Variants in PALM2AKAP2 observed in about 807,000 individuals in gnomAD.
PALM2AKAP2 encodes the protein PALM2 and AKAP2 fusion.
A neutral mutation model predicts 71.5 loss-of-function variants in PALM2AKAP2; 37 were observed. That is an observed-to-expected ratio of 0.52 (90% CI 0.40 to 0.68). The LOEUF (loss-of-function observed/expected upper bound fraction) is 0.68. Ranked by LOEUF, PALM2AKAP2 falls within the 30% of genes least tolerant of loss-of-function variation. The pLI is 0.00. For synonymous variants in PALM2AKAP2, 468 were observed against 478.8 expected (o/e 0.98, Z 0.29); for missense variants, 1,224 against 1,191.8 (o/e 1.03, Z -0.40).
chr9:109,651,171 A>G (rs1026283107), intron 1 of PALM2AKAP2, among the ~76,000 whole-genome samples: 5 of 152,112 alleles, frequency 3.3e-5, no homozygotes, highest in Admixed American at 2.0e-4. Context: ...AGTTGGCTCA[A>G]TGGAAGGCAC....
At chr9:109,922,233 A>G (rs556238121) in intron 3 of PALM2AKAP2, among the ~76,000 whole-genome samples, 194 of 151,864 alleles carry the variant, frequency 1.3e-3, no homozygotes, top group Non-Finnish European at 2.2e-3. Context: ...CCACGCAGGC[A>G]ACATAGTAAG....
intron 2 of PALM2AKAP2, among the ~76,000 whole-genome samples, chr9:109,876,620 C>G (rs559427421): frequency 6.6e-6 from 1 of 152,280 alleles, no homozygotes; most frequent in South Asian, 2.1e-4. Flanking sequence ...GCTGGGATTA[C>G]AGGTGCTCGC....
intron 1 of PALM2AKAP2, among the ~76,000 whole-genome samples, chr9:109,668,515 A>G (rs999421482): frequency 5.3e-5 from 8 of 152,234 alleles, no homozygotes; most frequent in African/African-American, 1.9e-4. Flanking sequence ...GCTGAAGCTT[A>G]ATCATATGTA....
rs761677024 is a variant in PALM2AKAP2, at chr9:110,016,075, A to T, written c.582+36A>T. The T allele has an allele frequency of 3.8e-6, 6 of 1,599,222 alleles. No individual in the cohort carries two copies. The South Asian group carries it at 6.7e-5, about 18-fold the overall frequency. On this transcript the variant is annotated intron_variant, in intron 7 of 9. Transcript: ENST00000302798. ...CTCTTCAGGTTGATTCTCAAAGTGT[A>T]TCTCTAGAGTAAAGGCAGCCGATGG...
intron 2 of PALM2AKAP2, among the ~76,000 whole-genome samples, chr9:109,878,745 AT>A (rs1448643723): frequency 2.6e-5 from 4 of 151,618 alleles, no homozygotes; most frequent in South Asian, 2.1e-4. Flanking sequence ...AGTGTTGGTA[AT>A]TTTTTTTTGA....
chr9:110,033,302 C>A (rs1055892237), intron 7 of PALM2AKAP2, among the ~76,000 whole-genome samples: 1 of 152,182 alleles, frequency 6.6e-6, no homozygotes, highest in African/African-American at 2.4e-5. Context: ...AATATGCATT[C>A]TGTGTCTAAG....
At chr9:109,757,378 G>A (rs1828979640) in intron 1 of PALM2AKAP2, among the ~76,000 whole-genome samples, 1 of 152,058 alleles carries the variant, frequency 6.6e-6, no homozygotes, top group Admixed American at 6.6e-5. Flanking sequence ...TAATAACCTT[G>A]TTTGAAATAA....
At chr9:109,729,796 C>T (rs1828528118) in intron 1 of PALM2AKAP2, among the ~76,000 whole-genome samples, 1 of 152,200 alleles carries the variant, frequency 6.6e-6, no homozygotes, top group Non-Finnish European at 1.5e-5. Flanking sequence ...CCAGGAAATA[C>T]ATTCCTGCCC....
chr9:109,821,775 C>T (rs1231149635), intron 1 of PALM2AKAP2, among the ~76,000 whole-genome samples: 1 of 152,156 alleles, frequency 6.6e-6, no homozygotes, highest in African/African-American at 2.4e-5. Flanking sequence ...CTGCTTCCTC[C>T]TCATCTCCCC....
chr9:109,929,362 C>T (rs1831036510), intron 5 of PALM2AKAP2, among the ~76,000 whole-genome samples: 2 of 152,090 alleles, frequency 1.3e-5, no homozygotes, highest in Admixed American at 1.3e-4. Flanking sequence ...CAAATCTGCT[C>T]TGGTCATCCC....
At chr9:109,848,628 A>G (rs956409378) in intron 1 of PALM2AKAP2, among the ~76,000 whole-genome samples, 2 of 152,074 alleles carry the variant, frequency 1.3e-5, no homozygotes, top group Non-Finnish European at 2.9e-5. Context: ...TGTATTGTCT[A>G]TAGCTGCTTC....
At chr9:109,814,180 T>A (rs966373868) in intron 1 of PALM2AKAP2, among the ~76,000 whole-genome samples, 8 of 152,210 alleles carry the variant, frequency 5.3e-5, no homozygotes, top group African/African-American at 1.9e-4. Context: ...GGTAAGCAAA[T>A]GCCACACAAA....
At chr9:109,682,166 CTAA>C (rs1730219253) in intron 1 of PALM2AKAP2, among the ~76,000 whole-genome samples, 1 of 152,184 alleles carries the variant, frequency 6.6e-6, no homozygotes, top group African/African-American at 2.4e-5. Context: ...TCTGTTTATC[CTAA>C]TGAGAAGTGC....
At chr9:109,859,258 A>G (rs1380548484) in intron 1 of PALM2AKAP2, among the ~76,000 whole-genome samples, 2 of 152,342 alleles carry the variant, frequency 1.3e-5, no homozygotes, top group East Asian at 3.9e-4. Flanking sequence ...ATAATAAGTT[A>G]CAAGAAGTGG....
intron 1 of PALM2AKAP2, among the ~76,000 whole-genome samples, chr9:109,675,147 A>G (rs1827631586): frequency 6.6e-6 from 1 of 152,100 alleles, no homozygotes; most frequent in South Asian, 2.1e-4. Flanking sequence ...TTTGACTTAC[A>G]ATATTTTCAC....
At chr9:109,641,632 A>G (rs1827070951) in intron 1 of PALM2AKAP2, among the ~76,000 whole-genome samples, 1 of 152,164 alleles carries the variant, frequency 6.6e-6, no homozygotes, top group South Asian at 2.1e-4. Flanking sequence ...CTGCCACAGC[A>G]GGACCACTCT....
At chr9:110,125,678 C>T (rs1386705834) in intron 1 of PALM2AKAP2, 25 of 858,298 alleles carry the variant, frequency 2.9e-5, no homozygotes, top group Non-Finnish European at 2.8e-5. Flanking sequence ...AGGCCAGTGT[C>T]TTTATGGAGG....
chr9:109,988,863 C>T (rs1292715396), intron 6 of PALM2AKAP2, among the ~76,000 whole-genome samples: 3 of 152,168 alleles, frequency 2.0e-5, no homozygotes, highest in Non-Finnish European at 4.4e-5. Flanking sequence ...GATAATTGAA[C>T]CATGGGGGTG....
At chr9:109,688,688 G>A (rs1827837290) in intron 1 of PALM2AKAP2, among the ~76,000 whole-genome samples, 1 of 152,226 alleles carries the variant, frequency 6.6e-6, no homozygotes, top group South Asian at 2.1e-4. Context: ...CTGAAAAGGG[G>A]CAGAGAGATT....
Sources: gnomAD v4.1 joint callset for allele counts (sites outside exome capture counted in the v4.1 genomes callset) on GRCh38, gnomAD v4.1.1 for gene constraint, MANE v1.5 for transcripts, NCBI Gene and HGNC (gene_info 2026-07-23, HGNC 2026-07-21) for gene names.